Variants in TDG observed in about 807,000 individuals in gnomAD.
The protein encoded by TDG is G/T mismatch-specific thymine DNA glycosylase.
A neutral mutation model predicts 46.1 loss-of-function variants in TDG; 23 were observed. The observed-to-expected ratio is 0.50, with a 90% CI of 0.36 to 0.71. The LOEUF (loss-of-function observed/expected upper bound fraction) is 0.71, where lower values mean the gene tolerates loss of function less well. TDG is among the 30% of genes least tolerant of loss of function. TDG has a pLI of 0.00. For synonymous variants in TDG, 115 were observed against 161.3 expected (o/e 0.71, Z 2.18); for missense variants, 304 against 486.7 (o/e 0.62, Z 3.53).
intron 1 of TDG, 89 bp from the exon 2 acceptor site, chr12:103,976,829 A>G (rs559823948): frequency 9.0e-5 from 134 of 1,481,620 alleles, no homozygotes; most frequent in Middle Eastern, 7.2e-4. Context: ...AATACTTAAT[A>G]CTGTACTGAA....
chr12:103,969,080 G>C (rs541617041), intron 1 of TDG, among the ~76,000 whole-genome samples: 10 of 152,312 alleles, frequency 6.6e-5, no homozygotes, highest in African/African-American at 1.9e-4. Context: ...AAGGATGCTG[G>C]CAGGAGGTAC....
intron 5 of TDG, 88 bp from the exon 6 acceptor site, chr12:103,983,048 A>T: frequency 1.3e-6 from 2 of 1,556,294 alleles, no homozygotes; most frequent in East Asian, 2.3e-5. Context: ...AATGTACAAT[A>T]TGCTCTTTCA....
rs775916595 is a variant in TDG at position 103,983,313 on chromosome 12, G to A, written c.716G>A (p.Ser239Asn). ...FNGKCIYEIF[S>N]KEVFGVKVKN... ...ATTTTAGGTATTTATGAAATTTTTAGTAAAGAAGTTTTTGGAGTAAAGGTT... is the reference window on the plus strand; with the variant it reads ...ATTTTAGGTATTTATGAAATTTTTAATAAAGAAGTTTTTGGAGTAAAGGTT... The change falls in exon 7 of 10, where the codon AGT becomes AAT. Residue 239 changes from serine (S) to asparagine (N), a missense_variant. By Grantham distance (46) the Ser-to-Asn change is conservative. Transcript: ENST00000392872. 14 of 1,591,532 alleles carry A rather than the reference G, an allele frequency of 8.8e-6. No individual in the cohort carries two copies. Among genetic ancestry groups the A allele is most frequent in the Non-Finnish European group, 9.4e-6 (11 of 1,172,780 alleles).
intron 1 of TDG, among the ~76,000 whole-genome samples, chr12:103,969,486 C>T (rs901861791): frequency 6.6e-6 from 1 of 152,226 alleles, no homozygotes; most frequent in African/African-American, 2.4e-5. Context: ...TTGTTCCTTT[C>T]AGTACCTTAA....
chr12:103,980,300 TAA>T, intron 3 of TDG: 1 of 547,570 alleles, frequency 1.8e-6, no homozygotes, highest in East Asian at 3.4e-5. Flanking sequence ...TAATCTTGGA[TAA>T]GTCTTATTAA....
chr12:103,987,178 T>C lies in TDG; in HGVS notation c.*88T>C, dbSNP rs879227607. On this transcript the variant is annotated 3_prime_UTR_variant, in exon 10 of 10. Coordinates refer to ENST00000392872, the MANE Select transcript of TDG (RefSeq NM_003211.6). ...CCTCAGTTTGCTAACTGAAGTGTTT[T>C]ATTAGTATTTTACTCTAGTGGTGTA... The C allele has an allele frequency of 5.8e-6, 9 of 1,556,064 alleles. No individual in the cohort carries two copies. The highest frequency in any genetic ancestry group is 4.6e-5 in the South Asian group (4 of 86,264).
chr12:103,971,002 T>A (rs1871262534), intron 1 of TDG, among the ~76,000 whole-genome samples: 1 of 152,184 alleles, frequency 6.6e-6, no homozygotes, highest in Non-Finnish European at 1.5e-5. Context: ...TGACAGCTAC[T>A]TACATAGCAT....
At chr12:103,973,101 T>TTTTTTTA (rs1814199629) in intron 1 of TDG, 1 of 691,000 alleles carries the variant, frequency 1.4e-6, no homozygotes, top group African/African-American at 1.8e-5. Flanking sequence ...TTTTTTTTTT[T>TTTTTTTA]GAGACGGAGT....
chr12:103,968,301 G>A (rs1871147485), intron 1 of TDG, among the ~76,000 whole-genome samples: 1 of 152,172 alleles, frequency 6.6e-6, no homozygotes, highest in Non-Finnish European at 1.5e-5. Context: ...AAAAGTAACT[G>A]GAAGAGAGTA....
At chr12:103,971,587 ACAAT>A (rs1871285489) in intron 1 of TDG, among the ~76,000 whole-genome samples, 1 of 152,052 alleles carries the variant, frequency 6.6e-6, no homozygotes, top group South Asian at 2.1e-4. Flanking sequence ...CAACAGAAAA[ACAAT>A]CTATGAGCGC....
At chr12:103,967,838 T>G (rs148902868) in intron 1 of TDG, 58,409 of 140,720 alleles carry the variant, frequency 0.42, 11,903 homozygotes, top group South Asian at 0.48. Flanking sequence ...TTTGTTTTTT[T>G]TTTTTTTTGA....
Position 103,987,091 on chromosome 12 carries a change from G to C in TDG, c.*1G>C, listed in dbSNP as rs1872199035. The C allele has an allele frequency of 1.9e-6, 3 of 1,613,472 alleles. No individual in the cohort carries two copies. In the East Asian group the frequency reaches 6.7e-5, roughly 36 times the overall value. The stretch of plus-strand genomic sequence containing the variant: ...ACAGGAAGAAGAAAGCCATGCTTAA[G>C]AATGGTGCTTCTCAGCTCTGCTTAA... On this transcript the variant is annotated 3_prime_UTR_variant, in exon 10 of 10. Transcript: ENST00000392872.
chr12:103,987,022 A>G lies in TDG; in HGVS notation c.1165A>G (p.Thr389Ala). 6.2e-7 allele frequency: 1 copy of G among 1,614,286 alleles called. No individual in the cohort carries two copies. Among genetic ancestry groups the G allele is most frequent in the East Asian group, 2.2e-5 (1 of 44,892 alleles). The change falls in exon 10 of 10, where the codon ACA (threonine) becomes GCA (alanine). Residue 389 changes from threonine (T) to alanine (A), a missense_variant. By Grantham distance (58) the Thr-to-Ala change is moderately conservative. Coordinates refer to ENST00000392872, the MANE Select transcript of TDG (RefSeq NM_003211.6). ...TGGGCAGTGGATGACCCAGTCATTTACAGACCAAATTCCTTCCTTTAGTAA... is the reference window on the plus strand; with the variant it reads ...TGGGCAGTGGATGACCCAGTCATTTGCAGACCAAATTCCTTCCTTTAGTAA... ...PNGQWMTQSFTDQIPSFSNHC... is the reference protein window; with the variant it reads ...PNGQWMTQSFADQIPSFSNHC...
At position 103,981,398 on chromosome 12, in the gene TDG, G is replaced by T. The variant is rs562523047; in HGVS notation, c.478+436G>T. On this transcript the variant is annotated intron_variant, in intron 4 of 9. Transcript: ENST00000392872. ...TTACAGGCATGTACCACCACGCCTG[G>T]TTAATTTTGTATTTTTAGTAGAGAC... Among the ~76,000 whole-genome samples, 3 of 151,890 alleles carry T rather than the reference G, an allele frequency of 2.0e-5. No homozygotes were observed. The South Asian group carries it at 6.3e-4, about 32-fold the overall frequency.
At chr12:103,969,379 C>T (rs1237055612) in intron 1 of TDG, among the ~76,000 whole-genome samples, 3 of 152,216 alleles carry the variant, frequency 2.0e-5, no homozygotes, top group African/African-American at 7.2e-5. Flanking sequence ...TGATGGCAAT[C>T]CAGTTAGGTG....
rs1872042312 is a variant in TDG at position 103,984,923 on chromosome 12, A to G, written c.964+3A>G. The G allele has an allele frequency of 4.7e-6, 4 of 844,962 alleles. No homozygotes were observed. The highest frequency in any genetic ancestry group is 6.2e-6 in the Non-Finnish European group (4 of 640,582). 52.3% of individuals were successfully genotyped at this position (844,962 alleles called of 1,614,324 possible). On this transcript the variant is annotated splice_donor_region_variant and intron_variant, in intron 8 of 9. Coordinates refer to ENST00000392872, the MANE Select transcript of TDG (RefSeq NM_003211.6). ...ATTTGACCTACAGCTTGCCCAAGGT[A>G]TGTTACTGTCCTCATTCCTTTTATT...
At chr12:103,983,078 A>G in intron 5 of TDG, 58 bp from the exon 6 acceptor site, 1 of 1,552,756 alleles carries the variant, frequency 6.4e-7, no homozygotes, top group Non-Finnish European at 8.7e-7. Flanking sequence ...GTCTGAATTT[A>G]GCATATTATA....
chr12:103,979,283 A>G (rs2136238298), intron 2 of TDG, among the ~76,000 whole-genome samples: 2 of 151,754 alleles, frequency 1.3e-5, no homozygotes, highest in East Asian at 3.9e-4. Flanking sequence ...TTGTATTTTT[A>G]GTAAAGACGG....
At chr12:103,967,543 A>G (rs1484651889) in intron 1 of TDG, among the ~76,000 whole-genome samples, 1 of 142,656 alleles carries the variant, frequency 7.0e-6, no homozygotes, top group Non-Finnish European at 1.5e-5. Flanking sequence ...TGCAACCTCC[A>G]TCACCCGGGT....
Sources: allele counts gnomAD v4.1 joint callset (sites outside exome capture counted in the v4.1 genomes callset), GRCh38; gene constraint gnomAD v4.1.1; transcripts MANE v1.5; gene names NCBI Gene and HGNC (gene_info 2026-07-23, HGNC 2026-07-21).